KCTD1: variants seen among roughly 807,000 people sequenced by gnomAD.
KCTD1 encodes potassium channel tetramerization domain containing 1.
Under a neutral mutation model 66.0 loss-of-function variants are expected in KCTD1, and 24 were observed. The ratio of observed to expected loss-of-function variants is 0.36; its 90% CI spans 0.26 to 0.51. KCTD1 has a LOEUF of 0.51. Ranked by LOEUF, KCTD1 falls within the 20% of genes least tolerant of loss-of-function variation. The pLI is 0.95. For synonymous variants in KCTD1, 511 were observed against 517.2 expected (o/e 0.99, Z 0.16); for missense variants, 943 against 1,205.2 (o/e 0.78, Z 3.22).
Position 26,548,390 on chromosome 18 carries a change from G to A in KCTD1, c.147C>T (p.His49=), listed in dbSNP as rs1483106757. Residue 49 remains histidine, a synonymous_variant, in exon 1 of 5, where the codon CAC becomes CAT. Coordinates refer to ENST00000580059, the MANE Select transcript of KCTD1 (RefSeq NM_001142730.3). ...CCTCCTCCTCGCCCGCGCTGCAGTAGTGCGGACGGCTGTGGCGGCGGCCGC... is the reference window on the plus strand; with the variant it reads ...CCTCCTCCTCGCCCGCGCTGCAGTAATGCGGACGGCTGTGGCGGCGGCCGC... The part of the protein sequence containing the change: ...GGRGRRHSRP[H]YCSAGEEEEE... The A allele has an allele frequency of 6.2e-6, 9 of 1,456,182 alleles. No homozygotes were observed. In the Admixed American group the frequency reaches 8.7e-5, roughly 14 times the overall value. The allele number at this position is 1,456,182 out of a possible 1,614,324, so 90.2% of individuals were successfully genotyped here. A position where few individuals can be genotyped will look rare whatever the true frequency, so the allele number is the denominator to read the frequency against.
At chr18:26,602,285 C>T (rs1038548001) in intron 1 of KCTD1, among the ~76,000 whole-genome samples, 21 of 152,174 alleles carry the variant, frequency 1.4e-4, no homozygotes, top group African/African-American at 4.6e-4. Context: ...TTAAACCAAC[C>T]GTGTCTTCTT....
At chr18:26,597,437 G>A (rs958654466) in intron 1 of KCTD1, among the ~76,000 whole-genome samples, 1 of 152,172 alleles carries the variant, frequency 6.6e-6, no homozygotes, top group Non-Finnish European at 1.5e-5. Context: ...ATATAGGATG[G>A]AAGATAACTA....
chr18:26,616,154 T>C lies in KCTD1; in HGVS notation c.-16+12993A>G, dbSNP rs557342082. On this transcript the variant is annotated intron_variant, in intron 1 of 4. Coordinates refer to the KCTD1 transcript ENST00000317932. The stretch of plus-strand genomic sequence containing the variant: ...TTTTAAGTGTTTCTTTTTTTTTTTT[T>C]TTCTTCTCTTTTTATTGTTGGACCT... Among the ~76,000 whole-genome samples, 232 of 108,534 alleles carry C rather than the reference T, an allele frequency of 2.1e-3. 2 individuals carry two copies. In the East Asian group the frequency reaches 0.032, roughly 15 times the overall value. The allele number at this position is 108,534 out of a possible 152,430, so 71.2% of individuals were successfully genotyped here.
At chr18:26,583,618 A>T (rs188748002) in intron 1 of KCTD1, among the ~76,000 whole-genome samples, 3 of 152,308 alleles carry the variant, frequency 2.0e-5, no homozygotes, top group Non-Finnish European at 4.4e-5. Flanking sequence ...ACTTGGCCAT[A>T]TATAAGTTCC....
intron 1 of KCTD1, among the ~76,000 whole-genome samples, chr18:26,585,061 T>C (rs1986442713): frequency 6.6e-6 from 1 of 151,986 alleles, no homozygotes; most frequent in Non-Finnish European, 1.5e-5. Flanking sequence ...TCATGAGCAT[T>C]CCAGGCCACC....
At chr18:26,485,935 CT>C (rs372930779) in intron 2 of KCTD1, among the ~76,000 whole-genome samples, 308 of 136,592 alleles carry the variant, frequency 2.3e-3, no homozygotes, top group East Asian at 8.0e-3. Flanking sequence ...TAATTTAATC[CT>C]TTTTTTTTTT....
At chr18:26,564,978 A>G (rs909512777) in intron 1 of KCTD1, among the ~76,000 whole-genome samples, 3 of 152,216 alleles carry the variant, frequency 2.0e-5, no homozygotes, top group African/African-American at 7.2e-5. Context: ...CAAAGCATCA[A>G]AAGGAAAGAG....
Position 26,490,381 on chromosome 18 carries a change from T to C in KCTD1, c.1988+10691A>G, listed in dbSNP as rs77373606. ...AGGGGGATTAGGGAAAAGCTATCAA[T>C]TGGAGGAAAGCATTCTGAAGGCAGG... On this transcript the variant is annotated intron_variant, in intron 2 of 4. Coordinates refer to ENST00000580059, the MANE Select transcript of KCTD1 (RefSeq NM_001142730.3). Among the ~76,000 whole-genome samples the C allele has an allele frequency of 8.8e-3, 1,343 of 152,296 alleles. 11 individuals are homozygous for C. Among genetic ancestry groups the C allele is most frequent in the African/African-American group, 0.03 (1,255 of 41,562 alleles).
chr18:26,537,404 TG>T (rs1356133676), intron 1 of KCTD1, among the ~76,000 whole-genome samples: 2 of 152,210 alleles, frequency 1.3e-5, no homozygotes, highest in African/African-American at 4.8e-5. Flanking sequence ...GGCTGAATAC[TG>T]TAAGTATTTG....
chr18:26,460,346 A>G (rs964387665), intron 3 of KCTD1, among the ~76,000 whole-genome samples: 2 of 152,216 alleles, frequency 1.3e-5, no homozygotes, highest in African/African-American at 4.8e-5. Flanking sequence ...CCCAATTTCT[A>G]TCCTCTTGGA....
chr18:26,473,908 T>C (rs561250456), intron 3 of KCTD1, among the ~76,000 whole-genome samples: 43 of 152,244 alleles, frequency 2.8e-4, no homozygotes, highest in Non-Finnish European at 5.1e-4. Flanking sequence ...GTAAAATAAA[T>C]GTGCACATGA....
chr18:26,460,327 C>T (rs1256800476), intron 3 of KCTD1, among the ~76,000 whole-genome samples: 2 of 152,132 alleles, frequency 1.3e-5, no homozygotes, highest in Non-Finnish European at 2.9e-5. Context: ...TTGATTGTGT[C>T]GGTGAGAACC....
intron 1 of KCTD1, among the ~76,000 whole-genome samples, chr18:26,508,333 G>GTC (rs1166482636): frequency 6.6e-6 from 1 of 152,152 alleles, no homozygotes; most frequent in African/African-American, 2.4e-5. Flanking sequence ...TCCTTCAAGG[G>GTC]ATTTGACTTC....
intron 1 of KCTD1, among the ~76,000 whole-genome samples, chr18:26,645,410 T>C (rs570446051): frequency 1.3e-5 from 2 of 152,216 alleles, no homozygotes; most frequent in East Asian, 1.9e-4. Flanking sequence ...AATCCTTTTA[T>C]GTTTCTCTTT....
chr18:26,524,637 C>A (rs866034485), intron 1 of KCTD1, among the ~76,000 whole-genome samples: 1 of 152,078 alleles, frequency 6.6e-6, no homozygotes. Flanking sequence ...AAAGCTCTAC[C>A]TTTCAAAACC....
At chr18:26,535,993 T>G (rs1225795232) in intron 1 of KCTD1, among the ~76,000 whole-genome samples, 1 of 95,512 alleles carries the variant, frequency 1.0e-5, no homozygotes, top group Non-Finnish European at 2.2e-5. Flanking sequence ...AAAAAGAAGA[T>G]TTTTTTTCCT....
chr18:26,478,724 G>A (rs1981474230), intron 2 of KCTD1, among the ~76,000 whole-genome samples: 1 of 152,196 alleles, frequency 6.6e-6, no homozygotes, highest in African/African-American at 2.4e-5. Flanking sequence ...CTAGTTACTA[G>A]CTGTAATCTA....
intron 1 of KCTD1, among the ~76,000 whole-genome samples, chr18:26,588,689 G>A (rs1986525864): frequency 6.6e-6 from 1 of 152,120 alleles, no homozygotes; most frequent in African/African-American, 2.4e-5. Flanking sequence ...TACAGAGAAG[G>A]AGGCGCCAAC....
At chr18:26,599,652 T>C (rs1248827736) in intron 1 of KCTD1, 25 of 1,474,482 alleles carry the variant, frequency 1.7e-5, no homozygotes, top group Non-Finnish European at 2.4e-5. Context: ...TTGGCTGAAA[T>C]CACCCAGATC....
Sources: gnomAD v4.1 joint callset for allele counts (sites outside exome capture counted in the v4.1 genomes callset) on GRCh38, gnomAD v4.1.1 for gene constraint, MANE v1.5 for transcripts, NCBI Gene and HGNC (gene_info 2026-07-23, HGNC 2026-07-21) for gene names.